MDM1: variants seen among roughly 807,000 people sequenced by gnomAD.
MDM1 encodes the protein Mdm1 nuclear protein.
In MDM1, 61 loss-of-function variants were observed where a neutral mutation model predicts 89.1. The observed-to-expected ratio is 0.68, with a 90% CI of 0.56 to 0.85. The LOEUF is 0.85. MDM1 is among the 40% of genes least tolerant of loss of function. The pLI, the probability that MDM1 is intolerant of heterozygous loss-of-function variation, is 0.00. For synonymous variants in MDM1, 290 were observed against 294.1 expected (o/e 0.99, Z 0.14); for missense variants, 820 against 846.5 (o/e 0.97, Z 0.39).
intron 13 of MDM1, among the ~76,000 whole-genome samples, chr12:68,301,933 C>A (rs907269308): frequency 6.6e-6 from 1 of 152,110 alleles, no homozygotes. Flanking sequence ...CTGCCTTGGC[C>A]TCCCAAAGTG....
chr12:68,324,556 G>A (rs553258593), intron 4 of MDM1, among the ~76,000 whole-genome samples: 1 of 152,262 alleles, frequency 6.6e-6, no homozygotes, highest in Admixed American at 6.5e-5. Flanking sequence ...AAGATGACTA[G>A]ATGTTATTGT....
intron 10 of MDM1, among the ~76,000 whole-genome samples, chr12:68,314,560 C>A (rs1251058013): frequency 1.3e-5 from 2 of 152,206 alleles, no homozygotes; most frequent in Admixed American, 1.3e-4. Flanking sequence ...TCAGAAATCA[C>A]TTTTTAAAAA....
chr12:68,313,279 A>G (rs1374363746), intron 12 of MDM1, among the ~76,000 whole-genome samples, 164 bp downstream of exon 12: 1 of 152,242 alleles, frequency 6.6e-6, no homozygotes, highest in Non-Finnish European at 1.5e-5. Context: ...TGCTTCTAAC[A>G]GAAAAAAAGT....
At chr12:68,331,570 G>C (rs1294188238) in intron 1 of MDM1, among the ~76,000 whole-genome samples, 1 of 152,142 alleles carries the variant, frequency 6.6e-6, no homozygotes, top group East Asian at 1.9e-4. Context: ...TTTTCACCGA[G>C]TACACAATAT....
At chr12:68,306,935 C>T (rs545840449) in intron 12 of MDM1, among the ~76,000 whole-genome samples, 2 of 152,292 alleles carry the variant, frequency 1.3e-5, no homozygotes, top group South Asian at 4.1e-4. Flanking sequence ...CTCATGGAAT[C>T]AGCCTAGGTG....
chr12:68,299,732 A>T (rs552172584), intron 13 of MDM1, among the ~76,000 whole-genome samples: 1 of 152,362 alleles, frequency 6.6e-6, no homozygotes, highest in African/African-American at 2.4e-5. Context: ...CTGAGGGAGA[A>T]GAAAAGGCTA....
intron 12 of MDM1, among the ~76,000 whole-genome samples, chr12:68,312,441 C>G (rs771820774): frequency 6.6e-6 from 1 of 152,136 alleles, no homozygotes; most frequent in Non-Finnish European, 1.5e-5. Flanking sequence ...ATCTTGTTGG[C>G]TGTACCTTCC....
Position 68,323,286 on chromosome 12 carries a change from C to T in MDM1, c.634-46G>A, listed in dbSNP as rs373023938. On this transcript the variant is annotated intron_variant, in intron 4 of 14. Transcript: ENST00000682720. ...AGTTTAGTTTTGTTGATTAAATATGCGGAACTTTGGTCTTCAATTACTTAA... is the reference window on the plus strand; with the variant it reads ...AGTTTAGTTTTGTTGATTAAATATGTGGAACTTTGGTCTTCAATTACTTAA... 8.5e-6 allele frequency: 12 copies of T among 1,404,604 alleles called. No homozygotes were observed. The East Asian group carries it at 1.0e-4, about 12-fold the overall frequency. The allele number at this position is 1,404,604 out of a possible 1,614,324, so 87.0% of individuals were successfully genotyped here.
At chr12:68,331,325 G>T in intron 1 of MDM1, 104 bp from the exon 2 acceptor site, 3 of 747,832 alleles carry the variant, frequency 4.0e-6, no homozygotes, top group South Asian at 1.6e-5. Flanking sequence ...AGAGACTTAA[G>T]ACTGAAAATT....
At chr12:68,307,152 C>T (rs1416698173) in intron 12 of MDM1, among the ~76,000 whole-genome samples, 1 of 151,998 alleles carries the variant, frequency 6.6e-6, no homozygotes, top group East Asian at 1.9e-4. Context: ...GAGGTACACA[C>T]AACATAAAGA....
Position 68,326,789 on chromosome 12 carries a change from G to A in MDM1, c.366C>T (p.His122=), listed in dbSNP as rs1172939136. 2 of 1,613,956 alleles carry A rather than the reference G, an allele frequency of 1.2e-6. No individual in the cohort carries two copies. Among genetic ancestry groups the A allele is most frequent in the Non-Finnish European group, 1.7e-6 (2 of 1,179,996 alleles). ...ASRVPKRTRS[H]SADSRAEGAS... The stretch of plus-strand genomic sequence containing the variant: ...CCCCTTCAGCTCTGGAGTCTGCAGA[G>A]TGAGATCTGGTTCTTTTGGGAACCC... The change falls in exon 3 of 15, where the codon CAC becomes CAT. Residue 122 remains histidine, a synonymous_variant. Transcript: ENST00000682720.
At chr12:68,298,502 T>C (rs969878303) in intron 13 of MDM1, among the ~76,000 whole-genome samples, 4 of 152,166 alleles carry the variant, frequency 2.6e-5, no homozygotes, top group African/African-American at 9.7e-5. Context: ...CAGACACAGC[T>C]GGGACTTCTC....
chr12:68,323,832 T>C (rs1189358214), intron 4 of MDM1, among the ~76,000 whole-genome samples: 2 of 152,214 alleles, frequency 1.3e-5, no homozygotes, highest in African/African-American at 4.8e-5. Flanking sequence ...GTTATATTAC[T>C]GCTTTGTAAT....
At chr12:68,329,023 G>A (rs976245240) in intron 2 of MDM1, among the ~76,000 whole-genome samples, 1 of 152,170 alleles carries the variant, frequency 6.6e-6, no homozygotes, top group Admixed American at 6.5e-5. Context: ...GATCTAAGCT[G>A]AAATGTTATT....
chr12:68,331,195 G>GA lies in MDM1; in HGVS notation c.44dup (p.Leu16ProfsTer12). ...CGGACAAATAAGACTTTTTCCACAG[G>GA]AAGTTCCTCTGGTATTCACTCAGCC... On this transcript the variant is annotated frameshift_variant, in exon 2 of 15. Coordinates refer to ENST00000682720, the MANE Select transcript of MDM1 (RefSeq NM_001354969.2). LOFTEE classifies it high-confidence loss of function. 6.2e-7 allele frequency: 1 copy of GA among 1,608,168 alleles called. No homozygotes were observed. Among genetic ancestry groups the GA allele is most frequent in the Non-Finnish European group, 8.5e-7 (1 of 1,174,548 alleles).
chr12:68,320,344 T>C (rs1875050338), intron 7 of MDM1, among the ~76,000 whole-genome samples: 1 of 152,226 alleles, frequency 6.6e-6, no homozygotes, highest in Admixed American at 6.5e-5. Context: ...GAGCTTTGTC[T>C]TTTACTTTGC....
chr12:68,300,850 G>A (rs1278473622), intron 13 of MDM1, among the ~76,000 whole-genome samples: 1 of 152,090 alleles, frequency 6.6e-6, no homozygotes, highest in Admixed American at 6.6e-5. Context: ...CCCAACAATT[G>A]TAGAATATAC....
At chr12:68,297,133 GATTTT>G (rs1871509917) in intron 13 of MDM1, 151 bp from the exon 14 acceptor site, 1 of 444,874 alleles carries the variant, frequency 2.2e-6, no homozygotes, top group Non-Finnish European at 3.9e-6. Context: ...AAATGAAAAA[GATTTT>G]ATTAATTAAT....
chr12:68,309,384 C>T (rs940527268), intron 12 of MDM1, among the ~76,000 whole-genome samples: 7 of 152,218 alleles, frequency 4.6e-5, no homozygotes, highest in African/African-American at 1.7e-4. Context: ...TTTCTGATCT[C>T]CATGATTAGA....
Sources: allele counts gnomAD v4.1 joint callset (sites outside exome capture counted in the v4.1 genomes callset), GRCh38; gene constraint gnomAD v4.1.1; transcripts MANE v1.5; gene names NCBI Gene and HGNC (gene_info 2026-07-23, HGNC 2026-07-21).